The following PATJ variants were observed in gnomAD, a reference collection of about 807,000 sequenced individuals.
PATJ encodes inaD-like protein.
PATJ carries 190 observed loss-of-function variants against 224.9 expected under a neutral mutation model. That is an observed-to-expected ratio of 0.84 (90% CI 0.75 to 0.95). PATJ has a LOEUF of 0.95. Among genes scored for constraint, PATJ ranks in the 40% least tolerant of loss-of-function variants. The pLI, the probability that PATJ is intolerant of heterozygous loss-of-function variation, is 0.00. For synonymous variants in PATJ, 769 were observed against 820.3 expected, an observed-to-expected ratio of 0.94 and a Z score of 1.07; for missense variants, 2,121 against 2,270.3, an observed-to-expected ratio of 0.93 and a Z score of 1.34.
At chr1:62,010,190 C>T (rs879615111) in intron 28 of PATJ, among the ~76,000 whole-genome samples, 1 of 152,060 alleles carries the variant, frequency 6.6e-6, no homozygotes, top group Non-Finnish European at 1.5e-5. Context: ...AATCCAGTCC[C>T]ATCTTCAGGC....
At chr1:61,974,826 C>G (rs1644041182) in intron 27 of PATJ, among the ~76,000 whole-genome samples, 1 of 152,036 alleles carries the variant, frequency 6.6e-6, no homozygotes, top group Non-Finnish European at 1.5e-5. Context: ...TATTGTTTTG[C>G]CATTCACTTG....
intron 15 of PATJ, among the ~76,000 whole-genome samples, chr1:61,823,543 AG>A (rs1657665615): frequency 6.6e-6 from 1 of 152,200 alleles, no homozygotes; most frequent in Non-Finnish European, 1.5e-5. Flanking sequence ...CTTTAATCAA[AG>A]CAGTTCTAGA....
At chr1:62,097,485 A>T (rs746794808) in intron 33 of PATJ, among the ~76,000 whole-genome samples, 17 of 152,186 alleles carry the variant, frequency 1.1e-4, no homozygotes, top group Non-Finnish European at 1.9e-4. Flanking sequence ...CCTGTGAAGA[A>T]GTCTGGACTG....
chr1:62,103,610 C>T (rs1274287175), intron 33 of PATJ, among the ~76,000 whole-genome samples: 2 of 151,904 alleles, frequency 1.3e-5, no homozygotes, highest in Admixed American at 6.6e-5. Flanking sequence ...AAAAATTGGC[C>T]GAGTATGGTG....
chr1:61,805,686 A>G (rs1391275849), intron 13 of PATJ, among the ~76,000 whole-genome samples, 162 bp downstream of exon 13: 1 of 151,884 alleles, frequency 6.6e-6, no homozygotes, highest in Non-Finnish European at 1.5e-5. Flanking sequence ...TTTTCCCCCC[A>G]TCTTTAGCAT....
intron 17 of PATJ, among the ~76,000 whole-genome samples, chr1:61,843,269 A>G (rs919076631): frequency 6.6e-6 from 1 of 152,176 alleles, no homozygotes; most frequent in Non-Finnish European, 1.5e-5. Context: ...AACATATGGT[A>G]TGGTTGAGAG....
In PATJ at chr1:61,843,670, C is replaced by T. The variant is rs187358628; in HGVS notation, c.2112+9885C>T. ...GGAGTTCAGAGGCTGCAGTGAGCTG[C>T]GATCACACCACTGCACTTCAGCCTG... On this transcript the variant is annotated intron_variant, in intron 17 of 43. Coordinates refer to ENST00000642238, the MANE Select transcript of PATJ (RefSeq NM_001350145.3). Among the ~76,000 whole-genome samples, 6 of 148,942 alleles carry T rather than the reference C, an allele frequency of 4.0e-5. No homozygotes were observed. The East Asian group carries it at 7.9e-4, about 20-fold the overall frequency.
intron 42 of PATJ, among the ~76,000 whole-genome samples, chr1:62,148,644 C>T (rs909495704): frequency 6.6e-6 from 1 of 152,188 alleles, no homozygotes; most frequent in African/African-American, 2.4e-5. Context: ...CCCTAAGAAA[C>T]CACGGATGTA....
intron 27 of PATJ, among the ~76,000 whole-genome samples, chr1:61,948,438 A>G (rs1198569145): frequency 1.3e-5 from 2 of 152,378 alleles, no homozygotes; most frequent in East Asian, 3.9e-4. Context: ...GAAGACATTT[A>G]TGCAGCCAAC....
At chr1:61,843,970 G>T (rs1391551852) in intron 17 of PATJ, among the ~76,000 whole-genome samples, 1 of 152,164 alleles carries the variant, frequency 6.6e-6, no homozygotes, top group East Asian at 1.9e-4. Flanking sequence ...CCTCTTCCAG[G>T]TATTGTTCTA....
chr1:62,067,811 T>C (rs1387237106), intron 31 of PATJ, among the ~76,000 whole-genome samples: 1 of 152,208 alleles, frequency 6.6e-6, no homozygotes, highest in African/African-American at 2.4e-5. Flanking sequence ...TCTCTGTTTG[T>C]TTGTTTTGAG....
intron 33 of PATJ, among the ~76,000 whole-genome samples, chr1:62,103,998 A>G (rs1199847191): frequency 6.6e-6 from 1 of 152,162 alleles, no homozygotes; most frequent in Non-Finnish European, 1.5e-5. Context: ...AGAGTGAGCC[A>G]GCAAGCCACC....
chr1:61,932,309 C>T (rs1676153848), intron 27 of PATJ, among the ~76,000 whole-genome samples: 1 of 152,148 alleles, frequency 6.6e-6, no homozygotes, highest in Non-Finnish European at 1.5e-5. Flanking sequence ...AAACCGAAAC[C>T]ACTGATCGAA....
intron 37 of PATJ, among the ~76,000 whole-genome samples, chr1:62,118,292 G>A (rs1388862656): frequency 6.6e-6 from 1 of 151,336 alleles, no homozygotes; most frequent in Non-Finnish European, 1.5e-5. Context: ...TGATGATATT[G>A]ACCAGACTTA....
At chr1:62,107,295 G>A (rs1278349882) in intron 33 of PATJ, among the ~76,000 whole-genome samples, 2 of 148,672 alleles carry the variant, frequency 1.3e-5, no homozygotes. Context: ...GACAGAGTGA[G>A]AGTCCATCTC....
At chr1:61,999,186 C>T (rs1411258340) in intron 28 of PATJ, among the ~76,000 whole-genome samples, 1 of 152,112 alleles carries the variant, frequency 6.6e-6, no homozygotes, top group Non-Finnish European at 1.5e-5. Flanking sequence ...CTTCTTTCTG[C>T]GATTTTCCCC....
intron 28 of PATJ, among the ~76,000 whole-genome samples, chr1:62,005,897 A>G (rs1204744219): frequency 6.6e-6 from 1 of 152,230 alleles, no homozygotes; most frequent in Admixed American, 6.5e-5. Context: ...CTTTAATAAA[A>G]TTGTGGGTGG....
chr1:61,787,245 A>G (rs1269587120), intron 7 of PATJ, among the ~76,000 whole-genome samples: 2 of 152,202 alleles, frequency 1.3e-5, no homozygotes, highest in Non-Finnish European at 2.9e-5. Flanking sequence ...CCCAATCATG[A>G]AAAGAAGATG....
chr1:61,917,785 G>A (rs1370826412), intron 26 of PATJ, among the ~76,000 whole-genome samples: 1 of 152,118 alleles, frequency 6.6e-6, no homozygotes, highest in Non-Finnish European at 1.5e-5. Context: ...CAGGTGTGGT[G>A]GCTCATGCCT....
Sources: allele counts gnomAD v4.1 joint callset (sites outside exome capture counted in the v4.1 genomes callset), GRCh38; gene constraint gnomAD v4.1.1; transcripts MANE v1.5; gene names NCBI Gene and HGNC (gene_info 2026-07-23, HGNC 2026-07-21).